Variants in SF3B3 observed in about 807,000 individuals in gnomAD.
SF3B3 encodes the protein splicing factor 3b subunit 3, also known as SAP 130.
Under a neutral mutation model 139.2 loss-of-function variants are expected in SF3B3, and 33 were observed. The observed-to-expected ratio is 0.24, with a 90% CI of 0.18 to 0.32. The LOEUF (loss-of-function observed/expected upper bound fraction) is 0.32, where lower values mean the gene tolerates loss of function less well. SF3B3 is among the 10% of genes least tolerant of loss of function. The pLI, the probability that SF3B3 is intolerant of heterozygous loss-of-function variation, is 1.00. For synonymous variants in SF3B3, 596 were observed against 563.6 expected, an observed-to-expected ratio of 1.06 and a Z score of -0.81; for missense variants, 818 against 1,509.4, an observed-to-expected ratio of 0.54 and a Z score of 7.59.
At position 70,572,164 on chromosome 16, in the gene SF3B3, A is replaced by T. The variant is rs978644375; in HGVS notation, c.*351A>T. On this transcript the variant is annotated 3_prime_UTR_variant, in exon 26 of 26. Coordinates refer to ENST00000302516, the MANE Select transcript of SF3B3 (RefSeq NM_012426.5). ...TAATTTTTAATTGGTTTTCTTGTAA[A>T]TACAGTTTTGTACAATGTTATCTCT... The T allele has an allele frequency of 1.7e-5, 8 of 483,200 alleles. No individual in the cohort carries two copies. Among genetic ancestry groups the T allele is most frequent in the Non-Finnish European group, 3.3e-5 (8 of 244,898 alleles). 29.9% of individuals were successfully genotyped at this position (483,200 alleles called of 1,614,324 possible). A position where few individuals can be genotyped will look rare whatever the true frequency, so the allele number is the denominator to read the frequency against.
In SF3B3 at chr16:70,524,348, T is replaced by C. The variant is rs112458130; in HGVS notation, c.-71+420T>C. Among the ~76,000 whole-genome samples, 494 of 152,294 alleles carry C rather than the reference T, an allele frequency of 3.2e-3. 2 individuals carry two copies. The highest frequency in any genetic ancestry group is 5.4e-3 in the Admixed American group (82 of 15,296). On this transcript the variant is annotated intron_variant, in intron 1 of 25. Coordinates refer to ENST00000302516, the MANE Select transcript of SF3B3 (RefSeq NM_012426.5). ...CCGGTTTGAATTTGTATTTTGGTAG[T>C]TGGGCAACTTGTCTCCTCCTCTGAA...
In SF3B3 at chr16:70,564,064, C is replaced by T. The variant is rs769128776; in HGVS notation, c.2463+14C>T. The T allele has an allele frequency of 1.2e-5, 20 of 1,609,522 alleles. 1 individual carries two copies. The Admixed American group carries it at 1.4e-4, about 11-fold the overall frequency. ...CAGATGGCAGAGGTAATGAGACTAA[C>T]GTTCAGGGGTTCTATTAAAAGATGT... On this transcript the variant is annotated intron_variant, in intron 18 of 25. Transcript: ENST00000302516.
intron 15 of SF3B3, among the ~76,000 whole-genome samples, chr16:70,557,515 AGAC>A: frequency 6.6e-6 from 1 of 152,342 alleles, no homozygotes; most frequent in African/African-American, 2.4e-5. Context: ...TTATTGACTC[AGAC>A]ATCTAAGTAA....
At chr16:70,526,559 G>T in intron 1 of SF3B3, 28 bp from the exon 2 acceptor site, 1 of 775,248 alleles carries the variant, frequency 1.3e-6, no homozygotes. Context: ...TAGTCTCCCA[G>T]CTATTTTTCT....
chr16:70,538,209 GCTTGTGCCT>G, intron 6 of SF3B3, 105 bp from the exon 7 acceptor site: 7 of 934,802 alleles, frequency 7.5e-6, no homozygotes, highest in Non-Finnish European at 1.2e-5. Context: ...GTGGATCAAA[GCTTGTGCCT>G]TTAGGCCTTT....
chr16:70,569,881 C>G (rs1416412636), intron 23 of SF3B3, 125 bp from the exon 24 acceptor site: 1 of 1,049,446 alleles, frequency 9.5e-7, no homozygotes, highest in Non-Finnish European at 1.4e-6. Flanking sequence ...CCCACGTTGG[C>G]CTCTATAATA....
intron 4 of SF3B3, among the ~76,000 whole-genome samples, chr16:70,532,152 C>T (rs1420503558): frequency 1.3e-5 from 2 of 151,998 alleles, no homozygotes; most frequent in Non-Finnish European, 2.9e-5. Context: ...ATTAGCCAGG[C>T]GTGGTGGCAC....
chr16:70,544,657 C>A, intron 10 of SF3B3, 124 bp downstream of exon 10: 1 of 640,538 alleles, frequency 1.6e-6, no homozygotes, highest in East Asian at 2.7e-5. Flanking sequence ...TATGTTCTTT[C>A]TCCCTGACTT....
At chr16:70,541,078 C>T (rs1463518160) in intron 8 of SF3B3, among the ~76,000 whole-genome samples, 1 of 152,210 alleles carries the variant, frequency 6.6e-6, no homozygotes, top group African/African-American at 2.4e-5. Flanking sequence ...ATGAGGGTTC[C>T]AGTTTCTCCA....
chr16:70,526,154 T>C (rs1342609844), intron 1 of SF3B3, among the ~76,000 whole-genome samples: 2 of 151,928 alleles, frequency 1.3e-5, no homozygotes, highest in South Asian at 2.1e-4. Flanking sequence ...ATCAAATATG[T>C]ATGTTAATTC....
intron 13 of SF3B3, among the ~76,000 whole-genome samples, chr16:70,555,638 A>G (rs1455135663): frequency 2.0e-5 from 3 of 151,986 alleles, no homozygotes; most frequent in Non-Finnish European, 2.9e-5. Flanking sequence ...CCTGCATTTC[A>G]CTCTCTACTT....
chr16:70,536,531 A>AT (rs58664231), intron 6 of SF3B3, among the ~76,000 whole-genome samples: 5,711 of 143,606 alleles, frequency 0.04, 352 homozygotes, highest in African/African-American at 0.13. Flanking sequence ...CGCCCGGCTA[A>AT]TTTTTTTTTT....
intron 6 of SF3B3, among the ~76,000 whole-genome samples, chr16:70,535,917 C>A (rs775311781): frequency 6.6e-6 from 1 of 151,816 alleles, no homozygotes; most frequent in Non-Finnish European, 1.5e-5. Context: ...CTAGGCTAAG[C>A]AATTTGAAAA....
At chr16:70,557,430 G>A (rs958084484) in intron 15 of SF3B3, among the ~76,000 whole-genome samples, 2 of 152,196 alleles carry the variant, frequency 1.3e-5, no homozygotes, top group East Asian at 1.9e-4. Context: ...TCTTTGTGCC[G>A]TGAAGAAAAG....
chr16:70,566,017 T>A (rs183260500), intron 20 of SF3B3, among the ~76,000 whole-genome samples: 33 of 151,242 alleles, frequency 2.2e-4, no homozygotes, highest in African/African-American at 6.6e-4. Context: ...CTCGGGAGGC[T>A]AAGACAGGAG....
intron 23 of SF3B3, 34 bp from the exon 24 acceptor site, chr16:70,569,972 T>G: frequency 6.2e-7 from 1 of 1,613,042 alleles, no homozygotes; most frequent in South Asian, 1.1e-5. Context: ...CTCCTGAGGG[T>G]GCACACAGTC....
chr16:70,560,695 A>G (rs931918981), intron 16 of SF3B3, 104 bp downstream of exon 16: 22 of 1,325,222 alleles, frequency 1.7e-5, no homozygotes, highest in Non-Finnish European at 2.0e-5. Flanking sequence ...TTGCCACTCC[A>G]TCTTGATTGG....
Position 70,551,857 on chromosome 16 carries a change from A to G in SF3B3, c.1403-2589A>G, listed in dbSNP as rs996957660. On this transcript the variant is annotated intron_variant, in intron 11 of 25. Transcript: ENST00000302516. Reference sequence around the variant, plus strand: ...GGACTCCAACTTTTAATCTGCAGTCACTCTAGTACATAAGAATTAACCTGC... The same window carrying G: ...GGACTCCAACTTTTAATCTGCAGTCGCTCTAGTACATAAGAATTAACCTGC... Among the ~76,000 whole-genome samples, 8 of 152,250 alleles carry G rather than the reference A, an allele frequency of 5.3e-5. 1 individual carries two copies. In the South Asian group the frequency reaches 1.2e-3, roughly 24 times the overall value.
In SF3B3 at chr16:70,563,969, T is replaced by G; in HGVS notation, c.2382T>G (p.Ser794Arg). The G allele has an allele frequency of 6.2e-7, 1 of 1,613,980 alleles. No individual in the cohort carries two copies. Among genetic ancestry groups the G allele is most frequent in the Non-Finnish European group, 8.5e-7 (1 of 1,179,996 alleles). Residue 794 changes from serine to arginine, a missense_variant, in exon 18 of 26, where the codon AGT (serine) becomes AGG (arginine). Around this residue, in one of 14 missense-constraint regions of SF3B3, gnomAD observed 34 missense variants for 30.5 expected, o/e 1.12. Coordinates refer to ENST00000302516, the MANE Select transcript of SF3B3 (RefSeq NM_012426.5). Reference sequence around the variant, plus strand: ...GGAAATTTGTCATCCACCCTGAGAGTAACAACCTTATTATCATTGAAACGG... The same window carrying G: ...GGAAATTTGTCATCCACCCTGAGAGGAACAACCTTATTATCATTGAAACGG... The part of the protein sequence containing the change: ...TPRKFVIHPE[S>R]NNLIIIETDH...
Sources: allele counts gnomAD v4.1 joint callset (sites outside exome capture counted in the v4.1 genomes callset), GRCh38; gene constraint gnomAD v4.1.1; regional missense constraint gnomAD v4.1.1; transcripts MANE v1.5; gene names NCBI Gene and HGNC (gene_info 2026-07-23, HGNC 2026-07-21).